Variants in ADAM7 observed in about 807,000 individuals in gnomAD.
ADAM7 encodes disintegrin and metalloproteinase domain-containing protein 7.
Under a neutral mutation model 102.9 loss-of-function variants are expected in ADAM7, and 97 were observed. The ratio of observed to expected loss-of-function variants is 0.94; its 90% CI spans 0.80 to 1.12. The LOEUF (loss-of-function observed/expected upper bound fraction) is 1.12. Ranked by LOEUF, ADAM7 falls within the 50% of genes most tolerant of loss-of-function variation. The probability of loss-of-function intolerance (pLI) is 0.00; values close to 1 mark genes in which losing one functional copy is unlikely to be tolerated. For synonymous variants in ADAM7, 334 were observed against 304.4 expected, an observed-to-expected ratio of 1.10 and a Z score of -1.01; for missense variants, 991 against 908.7, an observed-to-expected ratio of 1.09 and a Z score of -1.16.
Position 24,466,782 on chromosome 8 carries a change from G to T in ADAM7, c.390-17G>T. The T allele has an allele frequency of 6.2e-7, 1 of 1,605,074 alleles. No homozygotes were observed. The highest frequency in any genetic ancestry group is 8.5e-7 in the Non-Finnish European group (1 of 1,176,532). ...ATTATAGGCCTTGAATACAAATTGT[G>T]TTCCCAATTTCTACAGGGGATTCTT... On this transcript the variant is annotated splice_polypyrimidine_tract_variant and intron_variant, in intron 5 of 21. Transcript: ENST00000175238.
intron 6 of ADAM7, chr8:24,467,221 A>G: frequency 1.8e-6 from 1 of 561,756 alleles, no homozygotes; most frequent in Non-Finnish European, 3.1e-6. Context: ...CTATGTATAG[A>G]TTGATAACAT....
rs748116709 is a variant in ADAM7 at position 24,489,216 on chromosome 8, G to T, written c.1149G>T (p.Lys383Asn). The T allele has an allele frequency of 1.9e-6, 3 of 1,613,290 alleles. No individual in the cohort carries two copies. The highest frequency in any genetic ancestry group is 2.7e-5 in the African/African-American group (2 of 74,858). ...CSQNQYHQYLKDYKPTCMLNI... is the reference protein window; with the variant it reads ...CSQNQYHQYLNDYKPTCMLNI... ...AAAACCAATACCACCAGTACTTGAA[G>T]GATTATAAGCCAACATGCATGCTCA... Residue 383 changes from lysine to asparagine, a missense_variant, in exon 12 of 22, where the codon AAG becomes AAT. By Grantham distance (94) the Lys-to-Asn change is moderately conservative. Coordinates refer to ENST00000175238, the MANE Select transcript of ADAM7 (RefSeq NM_003817.4).
chr8:24,461,903 T>C (rs1466740430), intron 3 of ADAM7, among the ~76,000 whole-genome samples: 2 of 152,246 alleles, frequency 1.3e-5, no homozygotes, highest in Admixed American at 1.3e-4. Context: ...TTCTTTTACT[T>C]TGCTAAGCAT....
intron 2 of ADAM7, 62 bp downstream of exon 2, chr8:24,442,638 C>G (rs955906156): frequency 9.9e-6 from 13 of 1,310,648 alleles, no homozygotes; most frequent in Admixed American, 1.7e-5. Flanking sequence ...ACAGTTGTCT[C>G]TAGCTCCAAC....
intron 16 of ADAM7, among the ~76,000 whole-genome samples, chr8:24,495,249 G>C (rs1820515182): frequency 6.6e-6 from 1 of 152,110 alleles, no homozygotes; most frequent in African/African-American, 2.4e-5. Flanking sequence ...TTCAAACAAA[G>C]AACCAGGGAA....
At chr8:24,468,260 G>A (rs1265983517) in intron 6 of ADAM7, among the ~76,000 whole-genome samples, 1 of 150,822 alleles carries the variant, frequency 6.6e-6, no homozygotes, top group Non-Finnish European at 1.5e-5. Context: ...TTTCACGTGA[G>A]CTTACTAATG....
intron 2 of ADAM7, among the ~76,000 whole-genome samples, chr8:24,446,565 A>G (rs550927153): frequency 2.0e-5 from 3 of 152,150 alleles, no homozygotes; most frequent in Non-Finnish European, 2.9e-5. Context: ...CATAGTAAAT[A>G]TAGATTAAAT....
At chr8:24,450,534 C>A (rs945418276) in intron 3 of ADAM7, among the ~76,000 whole-genome samples, 10 of 152,066 alleles carry the variant, frequency 6.6e-5, no homozygotes, top group Non-Finnish European at 1.5e-4. Context: ...TGCTTATCAG[C>A]TTAAGGAGAT....
chr8:24,465,577 A>G (rs1819397130), intron 4 of ADAM7, 122 bp from the exon 5 acceptor site: 2 of 519,870 alleles, frequency 3.8e-6, no homozygotes, highest in Admixed American at 7.9e-5. Flanking sequence ...ATGCAGAACA[A>G]ATATCAATGC....
In ADAM7 at chr8:24,508,590, GGGATTCT is replaced by G; in HGVS notation, c.*49_*55del. ...AAAATGGCCGTGCAAGCTTAGGCTG[GGGATTCT>G]GGATGCAACGTCTTTACAACCTTAC... On this transcript the variant is annotated 3_prime_UTR_variant, in exon 22 of 22. Transcript: ENST00000175238. 1 of 1,612,812 alleles carries G rather than the reference GGGATTCT, an allele frequency of 6.2e-7. No homozygotes were observed. Among genetic ancestry groups the G allele is most frequent in the Non-Finnish European group, 8.5e-7 (1 of 1,179,226 alleles).
chr8:24,499,498 C>T lies in ADAM7; in HGVS notation c.1923+182C>T, dbSNP rs1820674058. Among the ~76,000 whole-genome samples the T allele has an allele frequency of 2.0e-5, 3 of 151,992 alleles. No individual in the cohort carries two copies. In the East Asian group the frequency reaches 5.8e-4, roughly 29 times the overall value. ...AAAATTTATCCAAGGAGCAAAATCA[C>T]ATATTATTATACACAGATACAGCCA... On this transcript the variant is annotated intron_variant, in intron 17 of 21. Transcript: ENST00000175238.
chr8:24,465,676 A>G (rs764671483), intron 4 of ADAM7, 23 bp from the exon 5 acceptor site: 1 of 1,493,290 alleles, frequency 6.7e-7, no homozygotes, highest in Non-Finnish European at 9.2e-7. Flanking sequence ...TACATATAGT[A>G]ATAGAGTCTT....
chr8:24,467,132 A>T (rs754367650), intron 6 of ADAM7, 144 bp downstream of exon 6: 9 of 779,960 alleles, frequency 1.2e-5, no homozygotes, highest in Non-Finnish European at 1.8e-5. Flanking sequence ...AAATTGGAAA[A>T]TTTTTTCTTG....
At position 24,485,145 on chromosome 8, in the gene ADAM7, C is replaced by A. The variant is rs1585903157; in HGVS notation, c.876-132C>A. The A allele has an allele frequency of 7.5e-6, 6 of 799,384 alleles. No individual in the cohort carries two copies. The East Asian group carries it at 1.5e-4, about 20-fold the overall frequency. The allele number at this position is 799,384 out of a possible 1,614,324, so 49.5% of individuals were successfully genotyped here. On this transcript the variant is annotated intron_variant, in intron 9 of 21. Transcript: ENST00000175238. ...TATCAACTAAGGTCAGCCTCAATTC[C>A]AAAACTCCAGAAATAAGAAGGCATT...
rs920111403 is a variant in ADAM7 at position 24,499,379 on chromosome 8, C to A, written c.1923+63C>A. 7.1e-6 allele frequency: 9 copies of A among 1,267,716 alleles called. 1 individual carries two copies. The highest frequency in any genetic ancestry group is 1.0e-5 in the Non-Finnish European group (9 of 900,988). The allele number at this position is 1,267,716 out of a possible 1,614,324, so 78.5% of individuals were successfully genotyped here. On this transcript the variant is annotated intron_variant, in intron 17 of 21. Coordinates refer to ENST00000175238, the MANE Select transcript of ADAM7 (RefSeq NM_003817.4). ...GCCATATATTTACTTTATTCCCCAG[C>A]CTATATGTGCATGTATATGTATGTA...
intron 7 of ADAM7, among the ~76,000 whole-genome samples, chr8:24,475,599 G>C (rs1819741856): frequency 6.6e-6 from 1 of 152,118 alleles, no homozygotes; most frequent in Non-Finnish European, 1.5e-5. Flanking sequence ...ATACGTGGAA[G>C]ATGAAGATTG....
Position 24,508,878 on chromosome 8 carries a change from A to T in ADAM7, c.*332A>T. ...GCTTTCTTTTAAGAATCCAAACTTT[A>T]AGGATGATAACTTACAGTCTAAGAA... On this transcript the variant is annotated 3_prime_UTR_variant, in exon 22 of 22. Transcript: ENST00000175238. The T allele has an allele frequency of 2.6e-6, 3 of 1,152,302 alleles. No individual in the cohort carries two copies. The highest frequency in any genetic ancestry group is 7.9e-5 in the South Asian group (2 of 25,218). The allele number at this position is 1,152,302 out of a possible 1,614,324, so 71.4% of individuals were successfully genotyped here. A position where few individuals can be genotyped will look rare whatever the true frequency, so the allele number is the denominator to read the frequency against.
chr8:24,468,962 A>G, intron 7 of ADAM7, 142 bp downstream of exon 7: 1 of 715,416 alleles, frequency 1.4e-6, no homozygotes, highest in Non-Finnish European at 2.2e-6. Flanking sequence ...AAACAGACAT[A>G]CATAAGAGAT....
chr8:24,451,382 G>A (rs1325839839), intron 3 of ADAM7, among the ~76,000 whole-genome samples: 1 of 152,202 alleles, frequency 6.6e-6, no homozygotes, highest in East Asian at 1.9e-4. Context: ...GTCTTGGGAG[G>A]GTTATGTGTC....
Sources: allele counts gnomAD v4.1 joint callset (sites outside exome capture counted in the v4.1 genomes callset), GRCh38; gene constraint gnomAD v4.1.1; transcripts MANE v1.5; gene names NCBI Gene and HGNC (gene_info 2026-07-23, HGNC 2026-07-21).